Variants in SLC6A6 observed in about 807,000 individuals in gnomAD.
SLC6A6 encodes sodium- and chloride-dependent taurine transporter.
SLC6A6 carries 16 observed loss-of-function variants against 68.8 expected under a neutral mutation model. The observed-to-expected ratio is 0.23, with a 90% CI of 0.16 to 0.35. The LOEUF is 0.35. Among genes scored for constraint, SLC6A6 ranks in the 10% least tolerant of loss-of-function variants. The probability of loss-of-function intolerance (pLI) is 1.00; values close to 1 mark genes in which losing one functional copy is unlikely to be tolerated. For missense variants in SLC6A6, 474 were observed against 802.8 expected, an observed-to-expected ratio of 0.59 and a Z score of 4.95; for synonymous variants, 312 against 315.4, an observed-to-expected ratio of 0.99 and a Z score of 0.12.
At position 14,485,031 on chromosome 3, in the gene SLC6A6, G is replaced by A. The variant is rs1398856285; in HGVS notation, c.*24G>A. 4 of 1,582,278 alleles carry A rather than the reference G, an allele frequency of 2.5e-6. No individual in the cohort carries two copies. Among genetic ancestry groups the A allele is most frequent in the African/African-American group, 1.3e-5 (1 of 74,400 alleles). On this transcript the variant is annotated 3_prime_UTR_variant, in exon 15 of 15. Coordinates refer to ENST00000622186, the MANE Select transcript of SLC6A6 (RefSeq NM_003043.6). The stretch of plus-strand genomic sequence containing the variant: ...GAGCTCTCTCGGGTCGACGGGGCCG[G>A]CGGCTTTCCTGCTGTTTACTAACAT...
chr3:14,410,464 G>A (rs2124897094), intron 1 of SLC6A6, among the ~76,000 whole-genome samples: 1 of 152,296 alleles, frequency 6.6e-6, no homozygotes, highest in African/African-American at 2.4e-5. Context: ...GCCCAGGATG[G>A]GGTTCCTGGA....
At chr3:14,419,484 G>C (rs1196644827) in intron 2 of SLC6A6, among the ~76,000 whole-genome samples, 3 of 152,212 alleles carry the variant, frequency 2.0e-5, no homozygotes, top group East Asian at 3.8e-4. Flanking sequence ...ATTGCTGACA[G>C]GGGGCAACCC....
At chr3:14,451,726 G>A (rs1700255191) in intron 5 of SLC6A6, among the ~76,000 whole-genome samples, 1 of 152,228 alleles carries the variant, frequency 6.6e-6, no homozygotes, top group Admixed American at 6.5e-5. Flanking sequence ...CCTTCAGCAG[G>A]TCTGGGTTCC....
At chr3:14,429,474 C>T (rs1383960687) in intron 2 of SLC6A6, among the ~76,000 whole-genome samples, 2 of 152,250 alleles carry the variant, frequency 1.3e-5, no homozygotes, top group Non-Finnish European at 2.9e-5. Context: ...TAGATGCTCA[C>T]AGTCTGGCAG....
At chr3:14,427,785 C>G (rs1273582726) in intron 2 of SLC6A6, among the ~76,000 whole-genome samples, 2 of 152,192 alleles carry the variant, frequency 1.3e-5, no homozygotes, top group African/African-American at 4.8e-5. Context: ...AGCTGCCCTG[C>G]TCTTCCCTCC....
rs540845808 is a variant in SLC6A6, at chr3:14,433,361, C to T, written c.-11-10263C>T. ...GCCGGCAGGGTTTGGGCTTCCTGCACAAGGATGTTGTGTTTGTGCCACCAG... is the reference window on the plus strand; with the variant it reads ...GCCGGCAGGGTTTGGGCTTCCTGCATAAGGATGTTGTGTTTGTGCCACCAG... On this transcript the variant is annotated intron_variant, in intron 2 of 14. Coordinates refer to ENST00000622186, the MANE Select transcript of SLC6A6 (RefSeq NM_003043.6). Among the ~76,000 whole-genome samples, 231 of 152,286 alleles carry T rather than the reference C, an allele frequency of 1.5e-3. 7 individuals carry two copies. The South Asian group carries it at 0.047, about 31-fold the overall frequency.
At chr3:14,464,524 G>A (rs1307383970) in intron 6 of SLC6A6, among the ~76,000 whole-genome samples, 1 of 152,196 alleles carries the variant, frequency 6.6e-6, no homozygotes, top group Non-Finnish European at 1.5e-5. Flanking sequence ...TTGGGCTGAG[G>A]GCAGCTGAGC....
At chr3:14,443,479 C>T in intron 2 of SLC6A6, 145 bp from the exon 3 acceptor site, 1 of 614,960 alleles carries the variant, frequency 1.6e-6, no homozygotes, top group Admixed American at 2.8e-5. Context: ...GCTGTCAAAG[C>T]ATTGGACAGA....
chr3:14,448,191 C>A, intron 5 of SLC6A6: 1 of 612,030 alleles, frequency 1.6e-6, no homozygotes, highest in Non-Finnish European at 2.1e-6. Context: ...GAGAAAAATG[C>A]ATATATGAAG....
At position 14,413,897 on chromosome 3, in the gene SLC6A6, A is replaced by C. The variant is rs1306351456; in HGVS notation, c.-53-2515A>C. ...GTATAGGTCTGGATTCTTATCTTGCAAATGGCAGAAATCAGTTCAAACAGA... is the reference window on the plus strand; with the variant it reads ...GTATAGGTCTGGATTCTTATCTTGCCAATGGCAGAAATCAGTTCAAACAGA... On this transcript the variant is annotated intron_variant, in intron 1 of 14. Transcript: ENST00000622186. Among the ~76,000 whole-genome samples, 3 of 152,240 alleles carry C rather than the reference A, an allele frequency of 2.0e-5. No individual in the cohort carries two copies. The East Asian group carries it at 5.8e-4, about 29-fold the overall frequency.
chr3:14,431,419 A>G (rs1363288504), intron 2 of SLC6A6, among the ~76,000 whole-genome samples: 1 of 152,220 alleles, frequency 6.6e-6, no homozygotes, highest in East Asian at 1.9e-4. Context: ...GGAGTAACAG[A>G]CAGCAACAGT....
In SLC6A6 at chr3:14,411,910, G is replaced by T. The variant is rs112962004; in HGVS notation, c.-53-4502G>T. On this transcript the variant is annotated intron_variant, in intron 1 of 14. Transcript: ENST00000622186. Reference sequence around the variant, plus strand: ...GCAGGGCTATGGACGTCAGACAAAAGATTACACATGCATGGCTAATGCCCT... The same window carrying T: ...GCAGGGCTATGGACGTCAGACAAAATATTACACATGCATGGCTAATGCCCT... Among the ~76,000 whole-genome samples the T allele has an allele frequency of 3.5e-3, 535 of 152,308 alleles. 1 individual carries two copies. The highest frequency in any genetic ancestry group is 0.012 in the African/African-American group (510 of 41,564).
chr3:14,444,898 C>G (rs1025909965), intron 3 of SLC6A6: 4 of 454,316 alleles, frequency 8.8e-6, no homozygotes, highest in Admixed American at 2.3e-5. Context: ...CTTTGCCCCC[C>G]CATTCTTCCC....
rs191009078 is a variant in SLC6A6 at position 14,408,870 on chromosome 3, G to T, written c.-54+6023G>T. 1.1e-3 allele frequency among the ~76,000 whole-genome samples: 173 copies of T among 151,972 alleles called. 1 individual carries two copies. Among genetic ancestry groups the T allele is most frequent in the African/African-American group, 4.0e-3 (165 of 41,458 alleles). ...CGCCCAGGCTGGAGTGCAGTGGCGT[G>T]ATCTCAGCTCACTGCAAGCTCCGCC... On this transcript the variant is annotated intron_variant, in intron 1 of 14. Coordinates refer to ENST00000622186, the MANE Select transcript of SLC6A6 (RefSeq NM_003043.6).
chr3:14,442,811 G>A lies in SLC6A6; in HGVS notation c.-11-813G>A, dbSNP rs547568578. 1.3e-3 allele frequency among the ~76,000 whole-genome samples: 192 copies of A among 152,348 alleles called. 7 individuals carry two copies. The South Asian group carries it at 0.039, about 31-fold the overall frequency. The stretch of plus-strand genomic sequence containing the variant: ...AACCCAACAGGGAGCCGGAGGGCAA[G>A]GGAACCTGGCTTATAGGATCTACAG... On this transcript the variant is annotated intron_variant, in intron 2 of 14. Transcript: ENST00000622186.
chr3:14,474,649 T>G (rs1247382770), intron 10 of SLC6A6, among the ~76,000 whole-genome samples: 1 of 152,196 alleles, frequency 6.6e-6, no homozygotes, highest in Non-Finnish European at 1.5e-5. Context: ...AACTGAGACT[T>G]AGAGAGACCA....
intron 1 of SLC6A6, among the ~76,000 whole-genome samples, chr3:14,414,511 T>C (rs977997487): frequency 2.0e-5 from 3 of 151,982 alleles, no homozygotes; most frequent in Non-Finnish European, 4.4e-5. Flanking sequence ...ATATGGACTT[T>C]AGTGCTATTC....
rs1026969541 is a variant in SLC6A6 at position 14,472,233 on chromosome 3, A to G, written c.1125A>G (p.Pro375=). ...CTGGCCTGGCCTTCATTGCCTACCCAAAAGCTGTGACAATGATGCCGCTGC... is the reference window on the plus strand; with the variant it reads ...CTGGCCTGGCCTTCATTGCCTACCCGAAAGCTGTGACAATGATGCCGCTGC... The part of the protein sequence containing the change: ...SGPGLAFIAY[P]KAVTMMPLPT... The change falls in exon 10 of 15, where the codon CCA becomes CCG. Residue 375 remains proline, a synonymous_variant. Coordinates refer to ENST00000622186, the MANE Select transcript of SLC6A6 (RefSeq NM_003043.6). This position sits in a 1 kb window ranked among gnomAD's most constrained non-coding sequence, Gnocchi z 4.5. The G allele has an allele frequency of 3.7e-6, 6 of 1,613,434 alleles. No individual in the cohort carries two copies. Among genetic ancestry groups the G allele is most frequent in the Non-Finnish European group, 5.1e-6 (6 of 1,179,424 alleles).
chr3:14,465,709 A>G (rs1205216478), intron 6 of SLC6A6, among the ~76,000 whole-genome samples: 1 of 152,240 alleles, frequency 6.6e-6, no homozygotes, highest in Non-Finnish European at 1.5e-5. Flanking sequence ...TAGGAATCAT[A>G]CCAACATTGT....
Sources: gnomAD v4.1 joint callset for allele counts (sites outside exome capture counted in the v4.1 genomes callset) on GRCh38, gnomAD v4.1.1 for gene constraint, Gnocchi (gnomAD v3.1) non-coding constraint, MANE v1.5 for transcripts, NCBI Gene and HGNC (gene_info 2026-07-23, HGNC 2026-07-21) for gene names.